NRIP1: variants seen among roughly 807,000 people sequenced by gnomAD.
NRIP1 encodes nuclear receptor-interacting protein 1.
A neutral mutation model predicts 75.0 loss-of-function variants in NRIP1; 28 were observed. The ratio of observed to expected loss-of-function variants is 0.37; its 90% CI spans 0.28 to 0.51. The LOEUF is 0.51. Among genes scored for constraint, NRIP1 ranks in the 20% least tolerant of loss-of-function variants. The probability of loss-of-function intolerance (pLI) is 0.92; values close to 1 mark genes in which losing one functional copy is unlikely to be tolerated. For synonymous variants in NRIP1, 526 were observed against 487.6 expected, an observed-to-expected ratio of 1.08 and a Z score of -1.04; for missense variants, 1,435 against 1,343.7, an observed-to-expected ratio of 1.07 and a Z score of -1.06.
intron 3 of NRIP1, chr21:14,992,203 T>A (rs1056712692): frequency 6.6e-5 from 10 of 152,170 alleles, no homozygotes; most frequent in African/African-American, 2.4e-4. Context: ...CATGCTTGGC[T>A]AATTTTACAT....
chr21:15,047,419 G>A (rs997322482), intron 1 of NRIP1, among the ~76,000 whole-genome samples: 7 of 152,082 alleles, frequency 4.6e-5, no homozygotes, highest in Admixed American at 2.0e-4. Context: ...GGGCGCCTGT[G>A]GTCCCAGCTA....
chr21:15,041,803 GAAAAGATAACTCTGAATTCCAT>G (rs1323362853), intron 2 of NRIP1, among the ~76,000 whole-genome samples: 1 of 151,960 alleles, frequency 6.6e-6, no homozygotes, highest in Non-Finnish European at 1.5e-5. Flanking sequence ...TCTTTAATTT[GAAAAGATAACTCTGAATTCCAT>G]AAAATCCAGT....
At position 14,964,548 on chromosome 21, in the gene NRIP1, G is replaced by A. The variant is rs1019550206; in HGVS notation, c.*168C>T. 17 of 545,000 alleles carry A rather than the reference G, an allele frequency of 3.1e-5. No homozygotes were observed. The highest frequency in any genetic ancestry group is 4.9e-5 in the Non-Finnish European group (16 of 324,718). The allele number at this position is 545,000 out of a possible 1,614,324, so 33.8% of individuals were successfully genotyped here. ...GTTTCCTCATGACATCTAATGTTAA[G>A]CAAAAATTAGTATGCATATTTCAAC... On this transcript the variant is annotated 3_prime_UTR_variant, in exon 4 of 4. Coordinates refer to ENST00000318948, the MANE Select transcript of NRIP1 (RefSeq NM_003489.4).
At chr21:15,038,404 C>T (rs1031056902) in intron 2 of NRIP1, among the ~76,000 whole-genome samples, 11 of 151,868 alleles carry the variant, frequency 7.2e-5, no homozygotes, top group African/African-American at 2.4e-4. Context: ...TTTCCAAAAC[C>T]TTTTGAGCTC....
intron 3 of NRIP1, among the ~76,000 whole-genome samples, chr21:14,975,434 T>TA (rs964284858): frequency 5.3e-5 from 8 of 151,772 alleles, no homozygotes; most frequent in African/African-American, 1.9e-4. Flanking sequence ...TCTTGAAAGA[T>TA]AATGTAGTAT....
chr21:15,055,665 C>G (rs941086187), intron 1 of NRIP1, among the ~76,000 whole-genome samples: 1 of 152,118 alleles, frequency 6.6e-6, no homozygotes, highest in East Asian at 1.9e-4. Flanking sequence ...TTCCTTAACA[C>G]CTGGTACACA....
In NRIP1 at chr21:15,026,309, C is replaced by T. The variant is rs1375234282; in HGVS notation, c.-457-11843G>A. Reference sequence around the variant, plus strand: ...AGATGTTCAGCCTCATTCGTTATCACACAGAAAAGTAAATCAAGATCATAA... The same window carrying T: ...AGATGTTCAGCCTCATTCGTTATCATACAGAAAAGTAAATCAAGATCATAA... On this transcript the variant is annotated intron_variant, in intron 2 of 3. Coordinates refer to ENST00000318948, the MANE Select transcript of NRIP1 (RefSeq NM_003489.4). Among the ~76,000 whole-genome samples, 3 of 152,184 alleles carry T rather than the reference C, an allele frequency of 2.0e-5. No homozygotes were observed. In the East Asian group the frequency reaches 5.8e-4, roughly 29 times the overall value.
At chr21:15,026,189 A>C (rs1224443723) in intron 2 of NRIP1, among the ~76,000 whole-genome samples, 1 of 152,212 alleles carries the variant, frequency 6.6e-6, no homozygotes, top group Non-Finnish European at 1.5e-5. Context: ...TGTAGAATAC[A>C]AATGCATAAA....
Position 14,968,266 on chromosome 21 carries a change from T to A in NRIP1, c.-74A>T. Reference sequence around the variant, plus strand: ...ATGGTTTTCTGTGGTGAGTGCGATGTAACTTTAATAAAGGAGTATCAGTTT... The same window carrying A: ...ATGGTTTTCTGTGGTGAGTGCGATGAAACTTTAATAAAGGAGTATCAGTTT... On this transcript the variant is annotated 5_prime_UTR_variant, in exon 4 of 4. Transcript: ENST00000318948. 1.0e-6 allele frequency: 1 copy of A among 959,444 alleles called. No homozygotes were observed. Among genetic ancestry groups the A allele is most frequent in the Non-Finnish European group, 1.6e-6 (1 of 634,608 alleles). 59.4% of individuals were successfully genotyped at this position (959,444 alleles called of 1,614,324 possible). A position where few individuals can be genotyped will look rare whatever the true frequency, so the allele number is the denominator to read the frequency against.
At position 14,964,814 on chromosome 21, in the gene NRIP1, T is replaced by C; in HGVS notation, c.3379A>G (p.Ser1127Gly). 1 of 1,612,818 alleles carries C rather than the reference T, an allele frequency of 6.2e-7. No homozygotes were observed. Among genetic ancestry groups the C allele is most frequent in the Non-Finnish European group, 8.5e-7 (1 of 1,179,542 alleles). The change falls in exon 4 of 4, where the codon AGC (serine) becomes GGC (glycine). Residue 1127 changes from serine (S) to glycine (G), a missense_variant. Ser to Gly is a moderately conservative substitution (Grantham distance 56). Coordinates refer to ENST00000318948, the MANE Select transcript of NRIP1 (RefSeq NM_003489.4). Reference sequence around the variant, plus strand: ...CGAGAAGCATTATTTCCCATATGGCTATTGTAAGGGCTTCTTAAATTAAAG... The same window carrying C: ...CGAGAAGCATTATTTCCCATATGGCCATTGTAAGGGCTTCTTAAATTAAAG... ...SFFNLRSPYN[S>G]HMGNNASRPH...
At chr21:15,047,607 G>T (rs1003777838) in intron 1 of NRIP1, among the ~76,000 whole-genome samples, 8 of 152,122 alleles carry the variant, frequency 5.3e-5, no homozygotes, top group Non-Finnish European at 7.4e-5. Context: ...ACTATCACGA[G>T]AACAGCATGG....
chr21:14,972,529 T>G (rs142271446), intron 3 of NRIP1, among the ~76,000 whole-genome samples: 2 of 152,332 alleles, frequency 1.3e-5, no homozygotes, highest in Non-Finnish European at 2.9e-5. Context: ...TTCATGAAAT[T>G]CCAACATATA....
chr21:15,053,889 T>C (rs551717742), intron 1 of NRIP1, among the ~76,000 whole-genome samples: 32 of 152,302 alleles, frequency 2.1e-4, no homozygotes, highest in African/African-American at 7.7e-4. Flanking sequence ...TAGGTTAAAG[T>C]TATTTTAAGA....
intron 1 of NRIP1, among the ~76,000 whole-genome samples, chr21:15,063,398 G>T (rs1251269955): frequency 2.0e-5 from 3 of 152,174 alleles, no homozygotes; most frequent in Non-Finnish European, 4.4e-5. Flanking sequence ...TGTTTAAAAA[G>T]TCTATTATTT....
chr21:15,031,298 T>A (rs79209411), intron 2 of NRIP1, among the ~76,000 whole-genome samples: 27 of 126,482 alleles, frequency 2.1e-4, no homozygotes, highest in South Asian at 5.5e-4. Context: ...CGGTTGGAGG[T>A]TCACCACATT....
At chr21:15,025,819 C>T (rs1314705388) in intron 2 of NRIP1, among the ~76,000 whole-genome samples, 6 of 152,126 alleles carry the variant, frequency 3.9e-5, no homozygotes, top group African/African-American at 1.2e-4. Context: ...TACATAATTA[C>T]GGGCCGACAT....
At chr21:14,980,331 G>A (rs1180922963) in intron 3 of NRIP1, among the ~76,000 whole-genome samples, 1 of 151,858 alleles carries the variant, frequency 6.6e-6, no homozygotes, top group Non-Finnish European at 1.5e-5. Context: ...AAAATTAGGT[G>A]GACACAGTGG....
intron 3 of NRIP1, among the ~76,000 whole-genome samples, chr21:14,999,163 G>C (rs112671766): frequency 6.6e-6 from 1 of 152,128 alleles, no homozygotes; most frequent in Admixed American, 6.5e-5. Flanking sequence ...TTTTAGTAGC[G>C]ATAGGGTCTT....
intron 3 of NRIP1, chr21:14,971,328 AT>A (rs1770971063): frequency 6.6e-6 from 1 of 152,210 alleles, no homozygotes; most frequent in Non-Finnish European, 1.5e-5. Flanking sequence ...CTCTCAAAAA[AT>A]ATATAGATGA....
Sources: allele counts gnomAD v4.1 joint callset (sites outside exome capture counted in the v4.1 genomes callset), GRCh38; gene constraint gnomAD v4.1.1; transcripts MANE v1.5; gene names NCBI Gene and HGNC (gene_info 2026-07-23, HGNC 2026-07-21).